The following ARMC9 variants were observed in gnomAD, a reference collection of about 807,000 sequenced individuals.
ARMC9 encodes the protein armadillo repeat containing 9.
A neutral mutation model predicts 107.0 loss-of-function variants in ARMC9; 94 were observed. The ratio of observed to expected loss-of-function variants is 0.88; its 90% CI spans 0.74 to 1.04. ARMC9 has a LOEUF of 1.04. ARMC9 is among the 50% of genes least tolerant of loss of function. The pLI, the probability that ARMC9 is intolerant of heterozygous loss-of-function variation, is 0.00. For synonymous variants in ARMC9, 380 were observed against 396.9 expected (o/e 0.96, Z 0.51); for missense variants, 942 against 1,030.1 (o/e 0.91, Z 1.17).
At chr2:231,232,229 T>A (rs1406166074) in intron 7 of ARMC9, among the ~76,000 whole-genome samples, 1 of 151,294 alleles carries the variant, frequency 6.6e-6, no homozygotes, top group Non-Finnish European at 1.5e-5. Flanking sequence ...TTTCACTATG[T>A]TGGCCAGGGT....
chr2:231,321,060 C>A (rs2042969622), intron 19 of ARMC9, among the ~76,000 whole-genome samples: 1 of 152,230 alleles, frequency 6.6e-6, no homozygotes, highest in Non-Finnish European at 1.5e-5. Flanking sequence ...GTGAACCTCA[C>A]CAAGCCTCAG....
intron 9 of ARMC9, among the ~76,000 whole-genome samples, chr2:231,243,911 G>A (rs898418924): frequency 6.6e-6 from 1 of 152,214 alleles, no homozygotes; most frequent in Non-Finnish European, 1.5e-5. Flanking sequence ...GGAAGGAGAA[G>A]AAGATTGCTT....
chr2:231,367,191 A>C (rs2125598532), intron 23 of ARMC9, among the ~76,000 whole-genome samples: 1 of 152,296 alleles, frequency 6.6e-6, no homozygotes, highest in African/African-American at 2.4e-5. Flanking sequence ...TAACCATCAC[A>C]TAAGGGCTTT....
chr2:231,331,462 G>A (rs1249239110), intron 19 of ARMC9, among the ~76,000 whole-genome samples: 1 of 152,106 alleles, frequency 6.6e-6, no homozygotes, highest in Non-Finnish European at 1.5e-5. Context: ...TGTTCTATAT[G>A]GTGCCTTGAT....
intron 8 of ARMC9, among the ~76,000 whole-genome samples, chr2:231,238,198 G>C (rs2035950667): frequency 1.3e-5 from 2 of 151,970 alleles, no homozygotes; most frequent in South Asian, 4.1e-4. Flanking sequence ...TGATAGATAA[G>C]GATCTAGGGT....
At chr2:231,228,531 CAG>C (rs966091661) in intron 7 of ARMC9, among the ~76,000 whole-genome samples, 15 of 152,348 alleles carry the variant, frequency 9.8e-5, no homozygotes, top group African/African-American at 3.6e-4. Flanking sequence ...TGAATGTCCC[CAG>C]AGAGAGCCAG....
At chr2:231,210,966 G>A (rs1031836306) in intron 3 of ARMC9, among the ~76,000 whole-genome samples, 5 of 152,026 alleles carry the variant, frequency 3.3e-5, no homozygotes, top group Admixed American at 3.3e-4. Context: ...CTATGAATTG[G>A]CTACTTTAGA....
At chr2:231,290,362 C>T (rs1223337175) in intron 17 of ARMC9, among the ~76,000 whole-genome samples, 1 of 152,182 alleles carries the variant, frequency 6.6e-6, no homozygotes, top group African/African-American at 2.4e-5. Flanking sequence ...CTATTGATTC[C>T]AAACTGGCCT....
At position 231,297,758 on chromosome 2, in the gene ARMC9, T is replaced by C. The variant is rs530736582; in HGVS notation, c.1773+1505T>C. Among the ~76,000 whole-genome samples the C allele has an allele frequency of 6.6e-6, 1 of 152,318 alleles. No homozygotes were observed. The highest frequency in any genetic ancestry group is 2.4e-5 in the African/African-American group (1 of 41,578). On this transcript the variant is annotated intron_variant, in intron 19 of 24. Coordinates refer to ENST00000611582, the MANE Select transcript of ARMC9 (RefSeq NM_001352754.2). The surrounding 1 kb of genome is among the most constrained non-coding windows in gnomAD (Gnocchi z 4.2). ...GCAGCCTTCTCTTGATTATAATGAG[T>C]CACCACCTTTGTGCCTGGCCCTTCA...
chr2:231,309,001 C>T (rs765410198), intron 19 of ARMC9, among the ~76,000 whole-genome samples: 5 of 152,242 alleles, frequency 3.3e-5, no homozygotes, highest in Non-Finnish European at 7.3e-5. Context: ...TGTCTTATGT[C>T]TGTGTTACTT....
At chr2:231,291,263 AT>A in intron 17 of ARMC9, 89 bp from the exon 18 acceptor site, 6 of 1,032,960 alleles carry the variant, frequency 5.8e-6, no homozygotes, top group Non-Finnish European at 4.5e-6. Flanking sequence ...CCAAAACATT[AT>A]TTTTTGGATT....
chr2:231,291,283 T>C (rs1330474384), intron 17 of ARMC9, 70 bp from the exon 18 acceptor site: 1 of 1,256,510 alleles, frequency 8.0e-7, no homozygotes, highest in African/African-American at 1.5e-5. Flanking sequence ...TTAGATGAGA[T>C]GACCTCATTG....
At chr2:231,324,478 A>G (rs2043199389) in intron 19 of ARMC9, among the ~76,000 whole-genome samples, 1 of 149,914 alleles carries the variant, frequency 6.7e-6, no homozygotes, top group Non-Finnish European at 1.5e-5. Flanking sequence ...AAGGCCAAGC[A>G]CAGTGGCTCA....
chr2:231,338,859 A>T (rs965795931), intron 20 of ARMC9, among the ~76,000 whole-genome samples: 21 of 152,060 alleles, frequency 1.4e-4, no homozygotes, highest in African/African-American at 3.9e-4. Context: ...TAAAAATGTA[A>T]TGTTTCTGTC....
At chr2:231,299,173 C>T (rs1354490633) in intron 19 of ARMC9, among the ~76,000 whole-genome samples, 1 of 151,924 alleles carries the variant, frequency 6.6e-6, no homozygotes, top group East Asian at 1.9e-4. Context: ...CGTTTATATA[C>T]TAAAATTTTA....
intron 1 of ARMC9, chr2:231,198,904 C>T (rs2030209746): frequency 6.6e-6 from 1 of 152,302 alleles, no homozygotes; most frequent in Non-Finnish European, 1.5e-5. Flanking sequence ...AGGCGGCCGC[C>T]TGGACATCCC....
At chr2:231,304,401 TTTTG>T (rs1559434265) in intron 19 of ARMC9, among the ~76,000 whole-genome samples, 1 of 152,218 alleles carries the variant, frequency 6.6e-6, no homozygotes, top group Non-Finnish European at 1.5e-5. Flanking sequence ...TTTCCAAATT[TTTTG>T]TTTGTTTGAG....
chr2:231,200,680 A>G (rs1016306701), intron 1 of ARMC9, among the ~76,000 whole-genome samples: 4 of 151,666 alleles, frequency 2.6e-5, no homozygotes, highest in Non-Finnish European at 5.9e-5. Context: ...TCTCAAAACA[A>G]CAAAATTAGC....
At chr2:231,205,627 G>A (rs1172705811) in intron 1 of ARMC9, among the ~76,000 whole-genome samples, 1 of 152,176 alleles carries the variant, frequency 6.6e-6, no homozygotes. Flanking sequence ...TTTGACTTTA[G>A]CCATTGTATT....
Sources: gnomAD v4.1 joint callset for allele counts (sites outside exome capture counted in the v4.1 genomes callset) on GRCh38, gnomAD v4.1.1 for gene constraint, Gnocchi (gnomAD v3.1) non-coding constraint, MANE v1.5 for transcripts, NCBI Gene and HGNC (gene_info 2026-07-23, HGNC 2026-07-21) for gene names.